PCDHGA6: variants seen among roughly 807,000 people sequenced by gnomAD.
The protein encoded by PCDHGA6 is protocadherin gamma subfamily A, 6.
Under a neutral mutation model 60.6 loss-of-function variants are expected in PCDHGA6, and 41 were observed. The ratio of observed to expected loss-of-function variants is 0.68; its 90% confidence interval spans 0.53 to 0.88. The LOEUF is 0.88. Among genes scored for constraint, PCDHGA6 ranks in the 40% least tolerant of loss-of-function variants. The probability of loss-of-function intolerance (pLI) is 0.00; values close to 1 mark genes in which losing one functional copy is unlikely to be tolerated. For synonymous variants in PCDHGA6, 594 were observed against 524.4 expected, an observed-to-expected ratio of 1.13 and a Z score of -1.81; for missense variants, 1,312 against 1,203.0, an observed-to-expected ratio of 1.09 and a Z score of -1.34.
intron 1 of PCDHGA6, among the ~76,000 whole-genome samples, chr5:141,464,702 G>T (rs934638404): frequency 1.3e-5 from 2 of 151,942 alleles, no homozygotes; most frequent in African/African-American, 2.4e-5. Context: ...TATGAATGAG[G>T]TTAAATAGTT....
At chr5:141,498,971 G>A (rs866066098) in intron 2 of PCDHGA6, among the ~76,000 whole-genome samples, 16 of 111,052 alleles carry the variant, frequency 1.4e-4, no homozygotes, top group African/African-American at 2.5e-4. Context: ...GAGGGAGGGA[G>A]GGAAGGAAGG....
At chr5:141,386,140 G>A (rs1246033956) in intron 1 of PCDHGA6, 1 of 152,170 alleles carries the variant, frequency 6.6e-6, no homozygotes, top group African/African-American at 2.4e-5. Context: ...TACTGGCTTT[G>A]TTTCAACTGT....
intron 1 of PCDHGA6, chr5:141,384,849 TC>T (rs2047512750): frequency 6.2e-7 from 1 of 1,613,452 alleles, no homozygotes; most frequent in East Asian, 2.2e-5. Flanking sequence ...AGGACCACGG[TC>T]AGCCTCCTCT....
chr5:141,383,157 T>A, intron 1 of PCDHGA6: 1 of 1,614,076 alleles, frequency 6.2e-7, no homozygotes, highest in Non-Finnish European at 8.5e-7. Context: ...GCTTGGTCAC[T>A]GCGGGCAGGA....
Position 141,485,175 on chromosome 5 carries a change from T to C in PCDHGA6, c.2425-9632T>C, listed in dbSNP as rs2099608731. ...GTAGAGAATTAGCGGGCGGCAGCAA[T>C]GCTCCGCAAGGTGAGAAGCTGGACA... On this transcript the variant is annotated intron_variant, in intron 1 of 3. Coordinates refer to ENST00000517434, the MANE Select transcript of PCDHGA6 (RefSeq NM_018919.3). The surrounding 1 kb of genome is among the most constrained non-coding windows in gnomAD (Gnocchi z 5.7). 6.2e-7 allele frequency: 1 copy of C among 1,611,486 alleles called. No homozygotes were observed. Among genetic ancestry groups the C allele is most frequent in the Non-Finnish European group, 8.5e-7 (1 of 1,177,998 alleles).
Position 141,490,849 on chromosome 5 carries a change from C to A in PCDHGA6, c.2425-3958C>A, listed in dbSNP as rs200640560. The A allele has an allele frequency of 6.2e-7, 1 of 1,613,748 alleles. No individual in the cohort carries two copies. Among genetic ancestry groups the A allele is most frequent in the Non-Finnish European group, 8.5e-7 (1 of 1,179,862 alleles). On this transcript the variant is annotated intron_variant, in intron 1 of 3. Coordinates refer to ENST00000517434, the MANE Select transcript of PCDHGA6 (RefSeq NM_018919.3). This position sits in a 1 kb window ranked among gnomAD's most constrained non-coding sequence, Gnocchi z 5.4. ...GATGCTGCAGATTGTGGTGGGGGTT[C>A]GAGACTCCGGCTCTCCCCCATTGCA...
At chr5:141,394,802 C>G (rs773531449) in intron 1 of PCDHGA6, 1 of 1,613,810 alleles carries the variant, frequency 6.2e-7, no homozygotes, top group South Asian at 1.1e-5. Context: ...TCACCGTAGC[C>G]GTGGCTGACA....
intron 3 of PCDHGA6, among the ~76,000 whole-genome samples, chr5:141,506,441 T>C (rs1940889203): frequency 9.8e-6 from 1 of 101,930 alleles, no homozygotes; most frequent in South Asian, 3.0e-4. Flanking sequence ...TCTCGCTCTG[T>C]CTCAAAAAAA....
intron 1 of PCDHGA6, chr5:141,416,850 T>C (rs2096064812): frequency 6.6e-6 from 1 of 151,902 alleles, no homozygotes; most frequent in South Asian, 2.1e-4. Flanking sequence ...AATTCCATGA[T>C]TTTTTTCAGG....
chr5:141,429,232 G>T (rs938585192), intron 1 of PCDHGA6: 2 of 151,668 alleles, frequency 1.3e-5, no homozygotes, highest in Non-Finnish European at 2.9e-5. Flanking sequence ...TTATGATACT[G>T]CTGTCATTGA....
At chr5:141,385,370 A>G (rs1165174523) in intron 1 of PCDHGA6, 1 of 1,530,088 alleles carries the variant, frequency 6.5e-7, no homozygotes, top group South Asian at 1.3e-5. Flanking sequence ...TATTTGCATG[A>G]TATTTCTCTA....
intron 1 of PCDHGA6, chr5:141,410,413 TG>T: frequency 6.2e-7 from 1 of 1,614,056 alleles, no homozygotes; most frequent in Non-Finnish European, 8.5e-7. Flanking sequence ...AGTCTGGACC[TG>T]TAGTTCCCCC....
chr5:141,398,212 C>T, intron 1 of PCDHGA6: 1 of 1,484,360 alleles, frequency 6.7e-7, no homozygotes, highest in South Asian at 1.3e-5. Flanking sequence ...CTGCCCGGCG[C>T]TCTGTGAGCA....
rs753554580 is a variant in PCDHGA6 at position 141,376,288 on chromosome 5, G to T, written c.2205G>T (p.Met735Ile). 6.2e-7 allele frequency: 1 copy of T among 1,614,216 alleles called. No homozygotes were observed. Among genetic ancestry groups the T allele is most frequent in the Non-Finnish European group, 8.5e-7 (1 of 1,180,050 alleles). ...LQASGGGLAS[M>I]PGSHFVGVEG... ...CTTCGGGAGGTGGCTTAGCGAGCAT[G>T]CCCGGCTCGCACTTTGTGGGCGTGG... Residue 735 changes from methionine (M) to isoleucine (I), a missense_variant, in exon 1 of 4, where the codon ATG (methionine) becomes ATT (isoleucine). Met to Ile is a conservative substitution (Grantham distance 10, BLOSUM62 1). Transcript: ENST00000517434.
intron 1 of PCDHGA6, among the ~76,000 whole-genome samples, chr5:141,464,221 C>T (rs570804761): frequency 2.9e-4 from 44 of 149,624 alleles, no homozygotes; most frequent in African/African-American, 9.6e-4. Flanking sequence ...GCTGAGATTG[C>T]GCCACTGCAC....
chr5:141,374,388 G>A lies in PCDHGA6; in HGVS notation c.305G>A (p.Cys102Tyr), dbSNP rs779801370. 1 of 1,614,044 alleles carries A rather than the reference G, an allele frequency of 6.2e-7. No homozygotes were observed. Among genetic ancestry groups the A allele is most frequent in the South Asian group, 1.1e-5 (1 of 91,092 alleles). ...GAGCTCTGTGCTCAGAGCCCGCGGT[G>A]TCTGGTGAGTTTTAACATCCTTGTC... ...REELCAQSPR[C>Y]LVSFNILVED... The change falls in exon 1 of 4, where the codon TGT (cysteine) becomes TAT (tyrosine). Residue 102 changes from cysteine to tyrosine, a missense_variant. Coordinates refer to ENST00000517434, the MANE Select transcript of PCDHGA6 (RefSeq NM_018919.3).
At chr5:141,388,993 G>C (rs778336882) in intron 1 of PCDHGA6, 1 of 1,614,026 alleles carries the variant, frequency 6.2e-7, no homozygotes, top group South Asian at 1.1e-5. Context: ...CTCAAAGTCC[G>C]TGACAAGGAT....
intron 1 of PCDHGA6, chr5:141,421,488 G>C: frequency 3.1e-6 from 5 of 1,614,100 alleles, no homozygotes; most frequent in Non-Finnish European, 4.2e-6. Flanking sequence ...GCTTGATCAC[G>C]GCAGGCAGGA....
rs969397099 is a variant in PCDHGA6, at chr5:141,477,807, C to T, written c.2425-17000C>T. 6.2e-6 allele frequency: 10 copies of T among 1,613,932 alleles called. No homozygotes were observed. Among genetic ancestry groups the T allele is most frequent in the African/African-American group, 1.3e-5 (1 of 74,922 alleles). ...TTTGTCACTGATCGCAATGACAATG[C>T]CCCCCAGGTCCTATATCCTCGGCCA... is the stretch of plus-strand genomic sequence containing the variant. On this transcript the variant is annotated intron_variant, in intron 1 of 3. Transcript: ENST00000517434. The surrounding 1 kb of genome is among the most constrained non-coding windows in gnomAD (Gnocchi z 4.9).
Sources: gnomAD v4.1 joint callset for allele counts (sites outside exome capture counted in the v4.1 genomes callset) on GRCh38, gnomAD v4.1.1 for gene constraint, Gnocchi (gnomAD v3.1) non-coding constraint, MANE v1.5 for transcripts, NCBI Gene and HGNC (gene_info 2026-07-23, HGNC 2026-07-21) for gene names.